The following ZBTB25 variants were observed in gnomAD, a reference collection of about 807,000 sequenced individuals.
ZBTB25 encodes zinc finger and BTB domain-containing protein 25.
In ZBTB25, 20 loss-of-function variants were observed where a neutral mutation model predicts 34.2. The ratio of observed to expected loss-of-function variants is 0.58; its 90% confidence interval spans 0.41 to 0.85. ZBTB25 has a LOEUF of 0.85. Ranked by LOEUF, ZBTB25 falls within the 40% of genes least tolerant of loss-of-function variation. The pLI, the probability that ZBTB25 is intolerant of heterozygous loss-of-function variation, is 0.00. For missense variants in ZBTB25, 437 were observed against 521.8 expected (o/e 0.84, Z 1.58); for synonymous variants, 175 against 186.4 (o/e 0.94, Z 0.50).
chr14:64,485,149 G>GT lies in ZBTB25; in HGVS notation c.*1773dup. 1 of 985,374 alleles carries GT rather than the reference G, an allele frequency of 1.0e-6. No homozygotes were observed. Among genetic ancestry groups the GT allele is most frequent in the Non-Finnish European group, 1.2e-6 (1 of 829,928 alleles). 61.0% of individuals were successfully genotyped at this position (985,374 alleles called of 1,614,324 possible). On this transcript the variant is annotated 3_prime_UTR_variant, in exon 3 of 3. Transcript: ENST00000608382. ...TACCACTTTGTAATTTACCTAAACT[G>GT]TTTACCTAGAGAAAACCTTTGTGTC...
At chr14:64,468,368 T>C (rs1362311088) in intron 2 of ZBTB25, 2 of 1,551,926 alleles carry the variant, frequency 1.3e-6, no homozygotes, top group East Asian at 2.3e-5. Context: ...AATACAGTTT[T>C]CTAGAGAATA....
intron 2 of ZBTB25, among the ~76,000 whole-genome samples, chr14:64,489,742 G>C (rs1596622532): frequency 1.3e-5 from 2 of 151,008 alleles, no homozygotes; most frequent in East Asian, 3.9e-4. Flanking sequence ...CACCATATTG[G>C]CCAGGCTGGT....
chr14:64,451,532 A>C lies in ZBTB25; in HGVS notation c.174-1894T>G, dbSNP rs1354808692. On this transcript the variant is annotated intron_variant, in intron 2 of 2. Coordinates refer to the ZBTB25 transcript ENST00000555220. ...AAGTTTTAAAATCTGTTCAGCAATC[A>C]TCCTTTTAGAAAAATGCCATAAACA... Among the ~76,000 whole-genome samples the C allele has an allele frequency of 2.0e-5, 3 of 152,244 alleles. No individual in the cohort carries two copies. The East Asian group carries it at 5.8e-4, about 29-fold the overall frequency.
In ZBTB25 at chr14:64,485,585, G is replaced by A. The variant is rs2123459; in HGVS notation, c.*1338C>T. 297,117 of 984,886 alleles carry A rather than the reference G, an allele frequency of 0.3. 46,282 individuals carry two copies. Among genetic ancestry groups the A allele is most frequent in the East Asian group, 0.41 (3,619 of 8,790 alleles). 61.0% of individuals were successfully genotyped at this position (984,886 alleles called of 1,614,324 possible). The stretch of plus-strand genomic sequence containing the variant: ...TAAAAGAGAGTTAAGTTGATTTATA[G>A]AGGAAAAGCTAACATCATGGATCTT... On this transcript the variant is annotated 3_prime_UTR_variant, in exon 3 of 3. Transcript: ENST00000608382.
At chr14:64,462,269 A>C (rs1184393552) in intron 2 of ZBTB25, 4 of 137,690 alleles carry the variant, frequency 2.9e-5, no homozygotes, top group African/African-American at 1.0e-4. Context: ...ACAAAACCCC[A>C]AAACTCAGCT....
At chr14:64,504,832 G>T (rs913042776), upstream of ZBTB25, 1 of 392,090 alleles carries the variant, frequency 2.6e-6, no homozygotes, top group Non-Finnish European at 4.5e-6. Context: ...AGCGCCGAGC[G>T]CCGCGCGCCG....
intron 2 of ZBTB25, among the ~76,000 whole-genome samples, chr14:64,457,087 T>C (rs919725629): frequency 2.0e-5 from 3 of 152,224 alleles, no homozygotes; most frequent in Non-Finnish European, 4.4e-5. Flanking sequence ...AGTTTAGTTT[T>C]AGAAGGCCAT....
rs1213357134 is a variant in ZBTB25, at chr14:64,480,291, C to T, written c.*6632G>A. 1 of 363,392 alleles carries T rather than the reference C, an allele frequency of 2.8e-6. No homozygotes were observed. Among genetic ancestry groups the T allele is most frequent in the Non-Finnish European group, 5.2e-6 (1 of 192,414 alleles). 22.5% of individuals were successfully genotyped at this position (363,392 alleles called of 1,614,324 possible). ...TGAGCCGAGATCACTCCACTGTACTCCAGCCTGGGCAACAGAGCAAGACTC... is the reference window on the plus strand; with the variant it reads ...TGAGCCGAGATCACTCCACTGTACTTCAGCCTGGGCAACAGAGCAAGACTC... On this transcript the variant is annotated 3_prime_UTR_variant, in exon 3 of 3. Transcript: ENST00000608382.
rs1555341101 is a variant in ZBTB25 at position 64,470,610 on chromosome 14, A to AG, written c.173+19750dup. On this transcript the variant is annotated intron_variant, in intron 2 of 2. Coordinates refer to the ZBTB25 transcript ENST00000555220. ...TTCTCAAAAAAAAAAAAAAAAAAAA[A>AG]GAGAACCATTCACAAATCCTTCAAT... 8.9e-4 allele frequency: 134 copies of AG among 151,382 alleles called. 16 individuals carry two copies. The highest frequency in any genetic ancestry group is 3.7e-3 in the Middle Eastern group (1 of 272). 9.4% of individuals were successfully genotyped at this position (151,382 alleles called of 1,614,324 possible).
chr14:64,464,445 G>T (rs1231414452), intron 2 of ZBTB25, among the ~76,000 whole-genome samples: 1 of 152,096 alleles, frequency 6.6e-6, no homozygotes, highest in African/African-American at 2.4e-5. Context: ...CTTTGCTTTT[G>T]TGTCTCAAGA....
chr14:64,468,612 A>G (rs535755627), intron 2 of ZBTB25: 1 of 1,613,926 alleles, frequency 6.2e-7, no homozygotes, highest in South Asian at 1.1e-5. Flanking sequence ...GATCAGCCAG[A>G]GCCCACACGG....
chr14:64,505,048 T>G, upstream of ZBTB25: 1 of 375,866 alleles, frequency 2.7e-6, no homozygotes, highest in Admixed American at 4.6e-5. Context: ...GGGGCGCCGA[T>G]CCGTGCGGGG....
exon 3 of ZBTB25, chr14:64,449,303 C>G: frequency 1.1e-6 from 1 of 919,154 alleles, no homozygotes; most frequent in South Asian, 1.4e-5. Flanking sequence ...AGTTTCGGAG[C>G]TGAGATTCAA....
At chr14:64,471,098 T>C (rs913232251) in intron 2 of ZBTB25, 14 of 166,948 alleles carry the variant, frequency 8.4e-5, no homozygotes, top group African/African-American at 3.4e-4. Flanking sequence ...TTGAGACCAG[T>C]AAAAAGCATT....
chr14:64,450,550 G>A (rs2078354437), intron 2 of ZBTB25, among the ~76,000 whole-genome samples: 1 of 152,144 alleles, frequency 6.6e-6, no homozygotes, highest in African/African-American at 2.4e-5. Context: ...TTATTATAGG[G>A]TTGTGTTTTG....
chr14:64,487,135 C>T lies in ZBTB25; in HGVS notation c.1096G>A (p.Glu366Lys), dbSNP rs1193116801. 4.3e-6 allele frequency: 7 copies of T among 1,613,948 alleles called. No individual in the cohort carries two copies. The highest frequency in any genetic ancestry group is 3.3e-4 in the Middle Eastern group (2 of 6,084). The change falls in exon 3 of 3, where the codon GAA (glutamate) becomes AAA (lysine). Residue 366 changes from glutamate (E) to lysine (K), a missense_variant. By Grantham distance (56) the Glu-to-Lys change is moderately conservative. Coordinates refer to ENST00000608382, the MANE Select transcript of ZBTB25 (RefSeq NM_006977.5). ...TTACCTTTGTGTGTATACATGTGTT[C>T]CAACAATTGGCTCTTTCGAGGGAAT... ...HKFPRKSQLLEHMYTHKGKSY... is the reference protein window; with the variant it reads ...HKFPRKSQLLKHMYTHKGKSY...
upstream of ZBTB25, chr14:64,504,766 C>T (rs1304452724): frequency 2.4e-5 from 9 of 377,756 alleles, no homozygotes; most frequent in Non-Finnish European, 3.8e-5. Flanking sequence ...AGCGGAAGTC[C>T]TTTGTTGCAG....
At chr14:64,504,964 G>A (rs2079618107), upstream of ZBTB25, 1 of 393,124 alleles carries the variant, frequency 2.5e-6, no homozygotes, top group African/African-American at 2.1e-5. Context: ...TTTGCCAGTT[G>A]TGGGGCTATT....
downstream of ZBTB25, among the ~76,000 whole-genome samples, chr14:64,475,402 G>A (rs1025732009): frequency 3.3e-5 from 5 of 151,504 alleles, no homozygotes; most frequent in African/African-American, 4.9e-5. Flanking sequence ...TCATGCCATT[G>A]CACTCCAGCC....
Sources: gnomAD v4.1 joint callset for allele counts (sites outside exome capture counted in the v4.1 genomes callset) on GRCh38, gnomAD v4.1.1 for gene constraint, MANE v1.5 for transcripts, NCBI Gene and HGNC (gene_info 2026-07-23, HGNC 2026-07-21) for gene names.